CTNNA2: variants seen among roughly 807,000 people sequenced by gnomAD.
CTNNA2 encodes catenin alpha 2.
In CTNNA2, 42 loss-of-function variants were observed where a neutral mutation model predicts 101.0. That is an observed-to-expected ratio of 0.42 (90% CI 0.32 to 0.54). CTNNA2 has a LOEUF of 0.54. Ranked by LOEUF, CTNNA2 falls within the 20% of genes least tolerant of loss-of-function variation. The pLI, the probability that CTNNA2 is intolerant of heterozygous loss-of-function variation, is 0.14. For missense variants in CTNNA2, 871 were observed against 1,223.1 expected, an observed-to-expected ratio of 0.71 and a Z score of 4.29; for synonymous variants, 450 against 456.4, an observed-to-expected ratio of 0.99 and a Z score of 0.18.
intron 7 of CTNNA2, among the ~76,000 whole-genome samples, chr2:80,279,898 G>T (rs1674230276): frequency 1.3e-5 from 2 of 151,834 alleles, no homozygotes; most frequent in Admixed American, 6.6e-5. Context: ...TGACAATATT[G>T]GTTAAATTTG....
chr2:80,194,493 A>AT (rs567897317), intron 7 of CTNNA2, among the ~76,000 whole-genome samples: 249 of 138,470 alleles, frequency 1.8e-3, no homozygotes, highest in African/African-American at 7.6e-3. Flanking sequence ...ATGATGTGAT[A>AT]GTTTTTTTTT....
chr2:79,689,734 A>G (rs1259517917), intron 2 of CTNNA2, among the ~76,000 whole-genome samples: 1 of 152,044 alleles, frequency 6.6e-6, no homozygotes, highest in Non-Finnish European at 1.5e-5. Context: ...TACTATAGAA[A>G]TTAAATGACA....
In CTNNA2 at chr2:80,125,684, A is replaced by T. The variant is rs139795012; in HGVS notation, c.1056+215887A>T. 9.8e-5 allele frequency among the ~76,000 whole-genome samples: 15 copies of T among 152,310 alleles called. No homozygotes were observed. In the East Asian group the frequency reaches 2.9e-3, roughly 30 times the overall value. ...CTGGCTTTAATCAATTGGAGTTGGCATGTGAGATGAAACCCATTTGCCATT... is the reference window on the plus strand; with the variant it reads ...CTGGCTTTAATCAATTGGAGTTGGCTTGTGAGATGAAACCCATTTGCCATT... On this transcript the variant is annotated intron_variant, in intron 7 of 18. Transcript: ENST00000402739.
At chr2:80,504,923 G>A (rs1260838026) in intron 9 of CTNNA2, among the ~76,000 whole-genome samples, 1 of 152,178 alleles carries the variant, frequency 6.6e-6, no homozygotes, top group East Asian at 1.9e-4. Context: ...ACGAGGTCAT[G>A]AAGCAGCTCA....
intron 3 of CTNNA2, among the ~76,000 whole-genome samples, chr2:79,334,830 G>A (rs1306004504): frequency 2.0e-5 from 3 of 152,094 alleles, no homozygotes; most frequent in Non-Finnish European, 4.4e-5. Context: ...CACTTTCTAT[G>A]TATCTTTAGT....
chr2:80,391,310 A>G (rs1573926757), intron 7 of CTNNA2, among the ~76,000 whole-genome samples: 1 of 152,058 alleles, frequency 6.6e-6, no homozygotes, highest in Admixed American at 6.6e-5. Flanking sequence ...AAGTGGTTGT[A>G]TAGATATGGC....
intron 3 of CTNNA2, among the ~76,000 whole-genome samples, chr2:79,778,342 CAA>C (rs57955530): frequency 1.4e-5 from 2 of 142,966 alleles, no homozygotes; most frequent in Admixed American, 6.9e-5. Flanking sequence ...GAGACTCCAT[CAA>C]AAAAAAAAAT....
chr2:79,954,828 A>T (rs374383203), intron 7 of CTNNA2, among the ~76,000 whole-genome samples: 2 of 152,266 alleles, frequency 1.3e-5, no homozygotes, highest in East Asian at 3.9e-4. Context: ...TATCGTTGTT[A>T]TTCAGAGAAC....
intron 7 of CTNNA2, among the ~76,000 whole-genome samples, chr2:79,965,887 CAAAG>C (rs935339583): frequency 2.7e-4 from 34 of 127,082 alleles, no homozygotes; most frequent in African/African-American, 4.5e-4. Context: ...AAGAAAAAGA[CAAAG>C]AAGGAAAGAA....
intron 4 of CTNNA2, among the ~76,000 whole-genome samples, chr2:79,413,517 A>G (rs777973306): frequency 6.6e-6 from 1 of 152,066 alleles, no homozygotes; most frequent in Non-Finnish European, 1.5e-5. Context: ...TAGTGCTGCA[A>G]TAATCATGGG....
chr2:80,513,095 C>T (rs1175083943), intron 9 of CTNNA2, among the ~76,000 whole-genome samples: 1 of 152,206 alleles, frequency 6.6e-6, no homozygotes, highest in Non-Finnish European at 1.5e-5. Flanking sequence ...GTGCTAAAGA[C>T]ACATCCTTTG....
chr2:80,141,598 TAA>T (rs1307820802), intron 7 of CTNNA2, among the ~76,000 whole-genome samples: 1 of 152,024 alleles, frequency 6.6e-6, no homozygotes, highest in Non-Finnish European at 1.5e-5. Context: ...GCAGACAACA[TAA>T]ACCACCATGA....
At chr2:80,524,873 C>T (rs868221470) in intron 9 of CTNNA2, among the ~76,000 whole-genome samples, 8 of 152,104 alleles carry the variant, frequency 5.3e-5, no homozygotes, top group African/African-American at 1.2e-4. Flanking sequence ...TGACTTCATT[C>T]GCTCTTTTAT....
chr2:79,539,641 C>T (rs1338334942), intron 1 of CTNNA2, among the ~76,000 whole-genome samples: 1 of 152,124 alleles, frequency 6.6e-6, no homozygotes. Flanking sequence ...ACTTTTACCC[C>T]CAGCTGGGAG....
chr2:79,600,349 T>G (rs1677470932), intron 1 of CTNNA2, among the ~76,000 whole-genome samples: 1 of 152,036 alleles, frequency 6.6e-6, no homozygotes, highest in Admixed American at 6.5e-5. Context: ...CTAATTTTTT[T>G]TTATTTTTAG....
intron 18 of CTNNA2, among the ~76,000 whole-genome samples, chr2:80,628,940 C>T (rs1376923330): frequency 6.6e-6 from 1 of 152,122 alleles, no homozygotes; most frequent in Non-Finnish European, 1.5e-5. Flanking sequence ...CTTTCAGTAG[C>T]TGGCTATATG....
chr2:80,081,306 G>A (rs1411607139), intron 7 of CTNNA2, among the ~76,000 whole-genome samples: 2 of 151,668 alleles, frequency 1.3e-5, no homozygotes, highest in Non-Finnish European at 2.9e-5. Context: ...GAGGATTGGG[G>A]TATAAAACTG....
In CTNNA2 at chr2:80,138,695, T is replaced by A. The variant is rs141805083; in HGVS notation, c.1056+228898T>A. On this transcript the variant is annotated intron_variant, in intron 7 of 18. Transcript: ENST00000402739. The stretch of plus-strand genomic sequence containing the variant: ...TGGTTTCATCCTGGGACCATCTGCA[T>A]GGTACTAACTCTCCTCATTCTTGAT... 3.3e-3 allele frequency among the ~76,000 whole-genome samples: 510 copies of A among 152,280 alleles called. 4 individuals carry two copies. Among genetic ancestry groups the A allele is most frequent in the Middle Eastern group, 0.014 (4 of 294 alleles).
intron 6 of CTNNA2, among the ~76,000 whole-genome samples, chr2:79,900,174 A>G (rs1205893490): frequency 6.6e-6 from 1 of 152,050 alleles, no homozygotes; most frequent in Non-Finnish European, 1.5e-5. Context: ...TTCATTCTCA[A>G]TTTTCAGTGC....
Sources: gnomAD v4.1 joint callset for allele counts (sites outside exome capture counted in the v4.1 genomes callset) on GRCh38, gnomAD v4.1.1 for gene constraint, MANE v1.5 for transcripts, NCBI Gene and HGNC (gene_info 2026-07-23, HGNC 2026-07-21) for gene names.